SYT16: variants seen among roughly 807,000 people sequenced by gnomAD.
SYT16 encodes the protein synaptotagmin 16, also known as synaptotagmin-16.
SYT16 carries 42 observed loss-of-function variants against 61.4 expected under a neutral mutation model. The observed-to-expected ratio is 0.68, with a 90% CI of 0.53 to 0.89. The LOEUF is 0.89. SYT16 is among the 40% of genes least tolerant of loss of function. The probability of loss-of-function intolerance (pLI) is 0.00; values close to 1 mark genes in which losing one functional copy is unlikely to be tolerated. For missense variants in SYT16, 804 were observed against 807.3 expected (o/e 1.00, Z 0.05); for synonymous variants, 314 against 302.3 (o/e 1.04, Z -0.40).
chr14:61,936,050 A>G (rs2140437059), intron 1 of SYT16, among the ~76,000 whole-genome samples: 1 of 152,128 alleles, frequency 6.6e-6, no homozygotes, highest in South Asian at 2.1e-4. Context: ...TCTTCTTTAG[A>G]AAAAAAACCT....
chr14:62,021,014 G>T (rs747611087), intron 3 of SYT16, among the ~76,000 whole-genome samples: 4 of 152,032 alleles, frequency 2.6e-5, no homozygotes, highest in Non-Finnish European at 4.4e-5. Context: ...CCCTGCTCAT[G>T]GTTTTATTCT....
At chr14:61,937,533 G>A (rs961890369) in intron 1 of SYT16, among the ~76,000 whole-genome samples, 1 of 152,160 alleles carries the variant, frequency 6.6e-6, no homozygotes. Flanking sequence ...TTACTGAAGC[G>A]TTTGCTGACA....
chr14:62,035,992 CAG>C (rs1480882491), intron 3 of SYT16, among the ~76,000 whole-genome samples: 3 of 152,086 alleles, frequency 2.0e-5, no homozygotes, highest in Non-Finnish European at 2.9e-5. Context: ...TCTGAGGATG[CAG>C]AGAGAGGGAT....
At chr14:61,923,436 C>T (rs930552779) in intron 1 of SYT16, among the ~76,000 whole-genome samples, 9 of 152,150 alleles carry the variant, frequency 5.9e-5, no homozygotes, top group African/African-American at 2.2e-4. Context: ...GTATTGATTT[C>T]TACTGCTTGG....
intron 1 of SYT16, among the ~76,000 whole-genome samples, chr14:61,895,947 G>T (rs185302265): frequency 6.6e-6 from 1 of 152,304 alleles, no homozygotes; most frequent in East Asian, 1.9e-4. Flanking sequence ...CAGCCTGGCA[G>T]TGCGCGTGGG....
At chr14:62,069,522 C>T in intron 3 of SYT16, 81 bp from the exon 4 acceptor site, 1 of 1,366,514 alleles carries the variant, frequency 7.3e-7, no homozygotes, top group Non-Finnish European at 1.0e-6. Flanking sequence ...ACGTTCTTCT[C>T]TTCTGTTTTC....
At chr14:61,972,110 A>T (rs921523596) in intron 2 of SYT16, among the ~76,000 whole-genome samples, 2 of 152,230 alleles carry the variant, frequency 1.3e-5, no homozygotes, top group Non-Finnish European at 2.9e-5. Context: ...GTCAACCCAG[A>T]TTAAATTAAT....
chr14:61,833,274 T>C (rs996622882), intron 1 of SYT16, among the ~76,000 whole-genome samples: 6 of 151,364 alleles, frequency 4.0e-5, no homozygotes, highest in African/African-American at 7.3e-5. Context: ...TCATGGCTCA[T>C]GGGTGGCTTT....
chr14:61,922,845 C>T (rs530571352), intron 1 of SYT16, among the ~76,000 whole-genome samples: 22 of 152,198 alleles, frequency 1.4e-4, no homozygotes, highest in African/African-American at 4.6e-4. Flanking sequence ...GTCAGGAGTT[C>T]GAGACAAGCC....
rs535317421 is a variant in SYT16, at chr14:61,861,310, T to C, written c.-325+48500T>C. On this transcript the variant is annotated intron_variant, in intron 1 of 7. Coordinates refer to ENST00000683842, the MANE Select transcript of SYT16 (RefSeq NM_001367656.1). Reference sequence around the variant, plus strand: ...TGCAAAATTAAGTGGCAAAATTTACTAATTTTTTTTGGTAAAAATATAAAC... The same window carrying C: ...TGCAAAATTAAGTGGCAAAATTTACCAATTTTTTTTGGTAAAAATATAAAC... Among the ~76,000 whole-genome samples the C allele has an allele frequency of 4.6e-5, 7 of 152,366 alleles. 1 individual carries two copies. The South Asian group carries it at 1.4e-3, about 32-fold the overall frequency.
At chr14:61,817,716 TG>T (rs2045486377) in intron 1 of SYT16, among the ~76,000 whole-genome samples, 1 of 152,160 alleles carries the variant, frequency 6.6e-6, no homozygotes, top group Non-Finnish European at 1.5e-5. Context: ...TTGTGATAAT[TG>T]GTGAGATTTG....
At chr14:61,923,048 CAAA>C (rs140168317) in intron 1 of SYT16, among the ~76,000 whole-genome samples, 81 of 95,468 alleles carry the variant, frequency 8.5e-4, no homozygotes, top group East Asian at 1.1e-3. Flanking sequence ...GACTCTGTCT[CAAA>C]AAAAAAAAAA....
At chr14:61,959,334 T>C (rs931461606) in intron 1 of SYT16, among the ~76,000 whole-genome samples, 12 of 152,276 alleles carry the variant, frequency 7.9e-5, no homozygotes, top group African/African-American at 2.9e-4. Context: ...CTCTTCTTCC[T>C]CTCTTTTTCT....
At chr14:62,092,225 C>CACACACAT (rs1365679417) in intron 7 of SYT16, among the ~76,000 whole-genome samples, 54 of 140,840 alleles carry the variant, frequency 3.8e-4, no homozygotes, top group Admixed American at 1.3e-3. Context: ...CACACACACA[C>CACACACAT]ACTAACAAGT....
intron 1 of SYT16, among the ~76,000 whole-genome samples, chr14:61,862,951 C>T (rs997655127): frequency 6.6e-6 from 1 of 152,170 alleles, no homozygotes; most frequent in Non-Finnish European, 1.5e-5. Flanking sequence ...GGGTTGATAG[C>T]TTATTTCTTT....
At chr14:62,098,420 G>A (rs1214367231) in intron 7 of SYT16, among the ~76,000 whole-genome samples, 1 of 152,176 alleles carries the variant, frequency 6.6e-6, no homozygotes. Context: ...ATGTGATTGA[G>A]GAGATAATTA....
Position 62,101,206 on chromosome 14 carries a change from C to T in SYT16, c.*499C>T, listed in dbSNP as rs1385668426. On this transcript the variant is annotated 3_prime_UTR_variant, in exon 8 of 8. Transcript: ENST00000683842. Reference sequence around the variant, plus strand: ...CTCTAATCCATAAACTCTTATTTCACATTTTTCTCTTTATCAAAGAAACCT... The same window carrying T: ...CTCTAATCCATAAACTCTTATTTCATATTTTTCTCTTTATCAAAGAAACCT... 6.5e-6 allele frequency: 1 copy of T among 152,784 alleles called. No individual in the cohort carries two copies. Among genetic ancestry groups the T allele is most frequent in the Non-Finnish European group, 1.5e-5 (1 of 68,166 alleles). 9.5% of individuals were successfully genotyped at this position (152,784 alleles called of 1,614,324 possible).
chr14:61,964,197 G>A (rs1429140854), intron 1 of SYT16, among the ~76,000 whole-genome samples: 1 of 152,150 alleles, frequency 6.6e-6, no homozygotes, highest in African/African-American at 2.4e-5. Flanking sequence ...TGTTTTGCAA[G>A]GCTATAACTT....
intron 1 of SYT16, among the ~76,000 whole-genome samples, chr14:61,881,242 A>G (rs1489885588): frequency 7.2e-5 from 11 of 152,196 alleles, no homozygotes; most frequent in Admixed American, 4.6e-4. Flanking sequence ...TCCATCTTAA[A>G]TCTGAAATCA....
Sources: allele counts gnomAD v4.1 joint callset (sites outside exome capture counted in the v4.1 genomes callset), GRCh38; gene constraint gnomAD v4.1.1; transcripts MANE v1.5; gene names NCBI Gene and HGNC (gene_info 2026-07-23, HGNC 2026-07-21).